TAFA4: variants seen among roughly 807,000 people sequenced by gnomAD.
TAFA4 encodes the protein TAFA chemokine like family member 4, also known as chemokine-like protein TAFA-4.
TAFA4 carries 20 observed loss-of-function variants against 21.1 expected under a neutral mutation model. That is an observed-to-expected ratio of 0.95 (90% CI 0.67 to 1.38). TAFA4 has a LOEUF of 1.38. Among genes scored for constraint, TAFA4 ranks in the 40% most tolerant of loss-of-function variants. The pLI, the probability that TAFA4 is intolerant of heterozygous loss-of-function variation, is 0.00. For missense variants in TAFA4, 211 were observed against 180.9 expected (o/e 1.17, Z -0.95); for synonymous variants, 71 against 67.4 (o/e 1.05, Z -0.26).
Position 68,731,997 on chromosome 3 carries a change from A to G in TAFA4, c.*1145T>C, listed in dbSNP as rs1416896730. The stretch of plus-strand genomic sequence containing the variant: ...TTTTTGGCATTTCTTAATATATAAA[A>G]TTCATCCCATATTTTTACAGTAGTA... On this transcript the variant is annotated 3_prime_UTR_variant, in exon 6 of 6. Transcript: ENST00000295569. 1 of 152,418 alleles carries G rather than the reference A, an allele frequency of 6.6e-6. No individual in the cohort carries two copies. Among genetic ancestry groups the G allele is most frequent in the Non-Finnish European group, 1.5e-5 (1 of 68,034 alleles). The allele number at this position is 152,418 out of a possible 1,614,324, so 9.4% of individuals were successfully genotyped here. A position where few individuals can be genotyped will look rare whatever the true frequency, so the allele number is the denominator to read the frequency against.
intron 3 of TAFA4, among the ~76,000 whole-genome samples, chr3:68,794,534 C>T (rs1703420568): frequency 6.6e-6 from 1 of 152,204 alleles, no homozygotes. Context: ...GCTCTCCCCT[C>T]TCCTTAGCAC....
intron 1 of TAFA4, 147 bp downstream of exon 1, chr3:68,932,093 C>T (rs2090164458): frequency 6.6e-6 from 1 of 152,182 alleles, no homozygotes; most frequent in Non-Finnish European, 1.5e-5. Flanking sequence ...CCCAGAGAGC[C>T]GGGATGAGGG....
At chr3:68,791,981 G>T (rs1703369093) in intron 3 of TAFA4, among the ~76,000 whole-genome samples, 1 of 152,048 alleles carries the variant, frequency 6.6e-6, no homozygotes, top group South Asian at 2.1e-4. Flanking sequence ...CAGAGATTTA[G>T]ATTCTAAAAA....
chr3:68,790,775 C>T (rs1703346621), intron 3 of TAFA4, among the ~76,000 whole-genome samples: 1 of 152,170 alleles, frequency 6.6e-6, no homozygotes, highest in African/African-American at 2.4e-5. Context: ...GGTGAAAGGA[C>T]CTCTCCTACC....
chr3:68,833,021 G>A (rs974478434), intron 3 of TAFA4, among the ~76,000 whole-genome samples: 2 of 152,268 alleles, frequency 1.3e-5, no homozygotes, highest in Non-Finnish European at 2.9e-5. Context: ...CCAGGCACAG[G>A]AGGGAACCTC....
chr3:68,910,391 T>C (rs1053732301), intron 1 of TAFA4, among the ~76,000 whole-genome samples: 3 of 152,198 alleles, frequency 2.0e-5, no homozygotes, highest in Non-Finnish European at 4.4e-5. Context: ...GGAATCATGA[T>C]AGGCACCCTA....
At chr3:68,745,096 C>T (rs189587010) in intron 4 of TAFA4, among the ~76,000 whole-genome samples, 10 of 152,174 alleles carry the variant, frequency 6.6e-5, no homozygotes, top group Admixed American at 3.3e-4. Context: ...TCAAAAGACA[C>T]ATTGCAAATT....
chr3:68,813,321 G>A (rs758367553), intron 3 of TAFA4, among the ~76,000 whole-genome samples: 1 of 151,290 alleles, frequency 6.6e-6, no homozygotes, highest in Non-Finnish European at 1.5e-5. Flanking sequence ...AAATAACTAT[G>A]AGAGCAGAAC....
At chr3:68,745,546 A>C (rs569306570) in intron 4 of TAFA4, among the ~76,000 whole-genome samples, 37 of 152,312 alleles carry the variant, frequency 2.4e-4, no homozygotes, top group African/African-American at 7.0e-4. Flanking sequence ...ATAAAAAGAC[A>C]GTGACGCCCT....
chr3:68,883,993 G>C (rs1306349751), intron 2 of TAFA4, among the ~76,000 whole-genome samples: 1 of 151,778 alleles, frequency 6.6e-6, no homozygotes, highest in African/African-American at 2.4e-5. Flanking sequence ...AAAAAAAAAT[G>C]ATGATCCAAA....
intron 3 of TAFA4, among the ~76,000 whole-genome samples, chr3:68,833,029 C>G (rs1288940944): frequency 1.3e-5 from 2 of 152,254 alleles, no homozygotes; most frequent in Non-Finnish European, 1.5e-5. Context: ...AGGAGGGAAC[C>G]TCCTGGTCTG....
chr3:68,912,016 C>T (rs1028890754), intron 1 of TAFA4, among the ~76,000 whole-genome samples: 1 of 152,178 alleles, frequency 6.6e-6, no homozygotes, highest in African/African-American at 2.4e-5. Flanking sequence ...AATCACTGAT[C>T]CTTCTCCATT....
chr3:68,819,249 G>A (rs1220013240), intron 3 of TAFA4, among the ~76,000 whole-genome samples: 1 of 143,390 alleles, frequency 7.0e-6, no homozygotes, highest in East Asian at 2.1e-4. Context: ...CTGCCTGGGT[G>A]ACAGAGTGAG....
At chr3:68,892,388 C>G (rs142210865) in intron 1 of TAFA4, among the ~76,000 whole-genome samples, 3 of 152,130 alleles carry the variant, frequency 2.0e-5, no homozygotes, top group Non-Finnish European at 4.4e-5. Context: ...TTACCAATAC[C>G]ATCTCATCTA....
chr3:68,740,202 T>G (rs2106730196), intron 4 of TAFA4, among the ~76,000 whole-genome samples: 1 of 152,348 alleles, frequency 6.6e-6, no homozygotes, highest in East Asian at 1.9e-4. Flanking sequence ...TGAAAGTCTT[T>G]GCTGACTTTG....
chr3:68,907,916 G>T (rs2089920110), intron 1 of TAFA4, among the ~76,000 whole-genome samples: 1 of 152,176 alleles, frequency 6.6e-6, no homozygotes, highest in Admixed American at 6.5e-5. Context: ...TTAACAAGGG[G>T]GACAGGGTGA....
chr3:68,902,129 T>C (rs2089849633), intron 1 of TAFA4, among the ~76,000 whole-genome samples: 1 of 152,212 alleles, frequency 6.6e-6, no homozygotes, highest in Non-Finnish European at 1.5e-5. Context: ...AGGCAGTTGC[T>C]ATCAGTATCC....
chr3:68,923,262 G>C (rs2090076919), intron 1 of TAFA4, among the ~76,000 whole-genome samples: 1 of 152,056 alleles, frequency 6.6e-6, no homozygotes, highest in Admixed American at 6.5e-5. Context: ...AATAAACATG[G>C]GGTGCTTAAA....
At chr3:68,844,442 A>G (rs745884938) in intron 3 of TAFA4, among the ~76,000 whole-genome samples, 2 of 147,348 alleles carry the variant, frequency 1.4e-5, no homozygotes, top group African/African-American at 2.6e-5. Context: ...TAGTCTATCT[A>G]TTTTGTTAAT....
Sources: allele counts gnomAD v4.1 joint callset (sites outside exome capture counted in the v4.1 genomes callset), GRCh38; gene constraint gnomAD v4.1.1; transcripts MANE v1.5; gene names NCBI Gene and HGNC (gene_info 2026-07-23, HGNC 2026-07-21).